The following FMN2 variants were observed in gnomAD, a reference collection of about 807,000 sequenced individuals.
FMN2 encodes formin 2, also known as formin-2.
Under a neutral mutation model 142.3 loss-of-function variants are expected in FMN2, and 51 were observed. That is an observed-to-expected ratio of 0.36 (90% CI 0.29 to 0.45). The LOEUF is 0.45. FMN2 is among the 20% of genes least tolerant of loss of function. The pLI, the probability that FMN2 is intolerant of heterozygous loss-of-function variation, is 1.00. For missense variants in FMN2, 1,936 were observed against 2,122.8 expected (o/e 0.91, Z 1.73); for synonymous variants, 882 against 869.8 (o/e 1.01, Z -0.25).
intron 3 of FMN2, among the ~76,000 whole-genome samples, chr1:240,183,572 CAT>C (rs1188626132): frequency 1.3e-5 from 2 of 151,064 alleles, no homozygotes; most frequent in Non-Finnish European, 1.5e-5. Context: ...TACACACACA[CAT>C]GCCTACATAT....
At chr1:240,174,389 C>T (rs115321409) in intron 2 of FMN2, among the ~76,000 whole-genome samples, 1 of 152,168 alleles carries the variant, frequency 6.6e-6, no homozygotes, top group Non-Finnish European at 1.5e-5. Flanking sequence ...AGGTCTTGCT[C>T]TGTTGTCCAG....
intron 14 of FMN2, among the ~76,000 whole-genome samples, chr1:240,356,961 A>G (rs188030267): frequency 6.6e-6 from 1 of 152,230 alleles, no homozygotes; most frequent in African/African-American, 2.4e-5. Context: ...TCAAATTCTG[A>G]GGTCTTCATA....
chr1:240,182,985 C>G (rs940708468), intron 3 of FMN2, among the ~76,000 whole-genome samples: 3 of 151,556 alleles, frequency 2.0e-5, no homozygotes. Context: ...GGCATGATCC[C>G]GGCTCACTGT....
intron 6 of FMN2, among the ~76,000 whole-genome samples, chr1:240,214,475 C>T (rs557103651): frequency 9.3e-5 from 14 of 150,176 alleles, no homozygotes; most frequent in East Asian, 2.0e-4. Flanking sequence ...GGCGTGAACC[C>T]GGGAAGCAGA....
At chr1:240,209,872 C>A (rs1666620142) in intron 5 of FMN2, among the ~76,000 whole-genome samples, 1 of 151,796 alleles carries the variant, frequency 6.6e-6, no homozygotes, top group Non-Finnish European at 1.5e-5. Flanking sequence ...CCACTGCACT[C>A]CAGCCTGGGC....
intron 6 of FMN2, among the ~76,000 whole-genome samples, chr1:240,217,022 T>A (rs1052398819): frequency 2.0e-5 from 3 of 152,160 alleles, no homozygotes; most frequent in African/African-American, 7.2e-5. Flanking sequence ...TGCTCTTATA[T>A]GGGAGTACAT....
chr1:240,378,640 C>T (rs181306591), intron 14 of FMN2, among the ~76,000 whole-genome samples: 57 of 152,276 alleles, frequency 3.7e-4, no homozygotes, highest in Admixed American at 7.8e-4. Context: ...CAATATTCTG[C>T]TCTCCTTTCA....
chr1:240,428,295 G>GATC, intron 15 of FMN2, among the ~76,000 whole-genome samples: 1 of 151,340 alleles, frequency 6.6e-6, no homozygotes, highest in South Asian at 2.1e-4. Context: ...ACAATGGTAA[G>GATC]ATCATGGCTT....
At chr1:240,170,366 G>C in intron 2 of FMN2, 7 of 1,185,178 alleles carry the variant, frequency 5.9e-6, no homozygotes, top group Admixed American at 1.7e-5. Context: ...GTGATCTTGG[G>C]ACATGAAGGT....
At chr1:240,326,756 G>C (rs1671184643) in intron 8 of FMN2, among the ~76,000 whole-genome samples, 1 of 151,924 alleles carries the variant, frequency 6.6e-6, no homozygotes, top group Non-Finnish European at 1.5e-5. Context: ...AAGGGGTTAG[G>C]CTCGGAGATA....
chr1:240,165,065 T>G (rs2103299245), intron 2 of FMN2, among the ~76,000 whole-genome samples: 1 of 152,346 alleles, frequency 6.6e-6, no homozygotes, highest in African/African-American at 2.4e-5. Context: ...TTTATTCAGC[T>G]GCTTCTAATC....
chr1:240,282,694 C>G (rs1669439730), intron 7 of FMN2, among the ~76,000 whole-genome samples: 2 of 152,180 alleles, frequency 1.3e-5, no homozygotes, highest in African/African-American at 4.8e-5. Flanking sequence ...GCCCAAGCAT[C>G]TTAGTGGTGA....
intron 2 of FMN2, among the ~76,000 whole-genome samples, chr1:240,172,696 T>C (rs1245718508): frequency 6.6e-6 from 1 of 152,122 alleles, no homozygotes; most frequent in Non-Finnish European, 1.5e-5. Context: ...TTTTATCTAT[T>C]CCATGTTTTT....
intron 4 of FMN2, among the ~76,000 whole-genome samples, chr1:240,201,869 A>T (rs558560378): frequency 5.3e-5 from 8 of 152,166 alleles, no homozygotes; most frequent in Non-Finnish European, 1.0e-4. Context: ...TTTTATGGGA[A>T]GTTTGGAAGG....
intron 2 of FMN2, among the ~76,000 whole-genome samples, chr1:240,137,566 A>T (rs1021945932): frequency 2.0e-5 from 3 of 152,190 alleles, no homozygotes; most frequent in African/African-American, 4.8e-5. Context: ...GTCTCTTACC[A>T]TGTGTGCTCA....
At chr1:240,401,442 G>A (rs1299704685) in intron 15 of FMN2, among the ~76,000 whole-genome samples, 4 of 152,092 alleles carry the variant, frequency 2.6e-5, no homozygotes, top group South Asian at 2.1e-4. Flanking sequence ...GAAAATACAC[G>A]GGGAAGTTTC....
At chr1:240,184,427 G>C (rs1424515459) in intron 3 of FMN2, among the ~76,000 whole-genome samples, 2 of 151,078 alleles carry the variant, frequency 1.3e-5, no homozygotes, top group Admixed American at 6.6e-5. Flanking sequence ...GTAGAGACGG[G>C]GTTTCACCGT....
intron 15 of FMN2, among the ~76,000 whole-genome samples, chr1:240,409,818 G>A (rs1674337036): frequency 6.6e-6 from 1 of 152,132 alleles, no homozygotes; most frequent in Non-Finnish European, 1.5e-5. Context: ...TCTATAGTCA[G>A]CAAATATTAC....
chr1:240,163,148 G>A (rs181408605), intron 2 of FMN2, among the ~76,000 whole-genome samples: 27 of 152,170 alleles, frequency 1.8e-4, no homozygotes, highest in Admixed American at 8.5e-4. Context: ...GAGATTTACC[G>A]AAGATGTGAT....
Sources: gnomAD v4.1 joint callset for allele counts (sites outside exome capture counted in the v4.1 genomes callset) on GRCh38, gnomAD v4.1.1 for gene constraint, MANE v1.5 for transcripts, NCBI Gene and HGNC (gene_info 2026-07-23, HGNC 2026-07-21) for gene names.